Variants in KDM4C observed in about 807,000 individuals in gnomAD.
KDM4C encodes lysine demethylase 4C.
Under a neutral mutation model 129.3 loss-of-function variants are expected in KDM4C, and 81 were observed. The observed-to-expected ratio is 0.63, with a 90% CI of 0.52 to 0.75. The LOEUF is 0.75. Ranked by LOEUF, KDM4C falls within the 30% of genes least tolerant of loss-of-function variation. KDM4C has a pLI of 0.00. For synonymous variants in KDM4C, 573 were observed against 456.1 expected, an observed-to-expected ratio of 1.26 and a Z score of -3.26; for missense variants, 1,457 against 1,304.0, an observed-to-expected ratio of 1.12 and a Z score of -1.81.
intron 17 of KDM4C, among the ~76,000 whole-genome samples, chr9:7,062,895 T>C (rs1304141708): frequency 6.6e-6 from 1 of 152,156 alleles, no homozygotes; most frequent in Non-Finnish European, 1.5e-5. Flanking sequence ...CTTCTGAAAC[T>C]ATTAGAAATA....
At chr9:6,767,729 G>A (rs1007000464) in intron 1 of KDM4C, among the ~76,000 whole-genome samples, 10 of 152,192 alleles carry the variant, frequency 6.6e-5, no homozygotes, top group Non-Finnish European at 1.2e-4. Context: ...AAAGTGCTGG[G>A]ATTACAGGCG....
At chr9:7,158,457 T>G (rs888951563) in intron 19 of KDM4C, among the ~76,000 whole-genome samples, 1 of 152,216 alleles carries the variant, frequency 6.6e-6, no homozygotes, top group Non-Finnish European at 1.5e-5. Flanking sequence ...TTTAGATCTT[T>G]CCTGCTTTCT....
chr9:6,919,860 C>A (rs1218958626), intron 8 of KDM4C, among the ~76,000 whole-genome samples: 8 of 152,068 alleles, frequency 5.3e-5, no homozygotes, highest in African/African-American at 1.9e-4. Flanking sequence ...TAGGTGTGAG[C>A]CACTGCACCT....
intron 3 of KDM4C, among the ~76,000 whole-genome samples, chr9:6,813,199 A>G (rs1831482905): frequency 1.3e-5 from 2 of 151,790 alleles, no homozygotes; most frequent in Admixed American, 1.3e-4. Flanking sequence ...AAAAACATTA[A>G]AAAAAAAATT....
chr9:6,869,148 C>A (rs565932704), intron 5 of KDM4C, among the ~76,000 whole-genome samples: 2 of 152,238 alleles, frequency 1.3e-5, no homozygotes, highest in East Asian at 3.9e-4. Flanking sequence ...TTAGTTATTC[C>A]CTTCTTGTAA....
At chr9:6,745,106 C>G (rs533775133) in intron 1 of KDM4C, among the ~76,000 whole-genome samples, 101 of 152,216 alleles carry the variant, frequency 6.6e-4, no homozygotes, top group South Asian at 5.4e-3. Context: ...ACCCCATTTT[C>G]TGGGTCAAAC....
intron 19 of KDM4C, among the ~76,000 whole-genome samples, chr9:7,134,581 C>G (rs12341212): frequency 2.0e-5 from 3 of 152,122 alleles, no homozygotes; most frequent in African/African-American, 7.2e-5. Flanking sequence ...CATTAGTTAG[C>G]TTGAATTCTC....
chr9:6,803,402 C>T (rs1179330216), intron 2 of KDM4C, among the ~76,000 whole-genome samples: 1 of 151,740 alleles, frequency 6.6e-6, no homozygotes, highest in Non-Finnish European at 1.5e-5. Flanking sequence ...GAAAACTCGT[C>T]CTATTAAAAA....
At position 7,107,478 on chromosome 9, in the gene KDM4C, A is replaced by T. The variant is rs73409588; in HGVS notation, c.2610+3608A>T. ...TAACAGAGGTGAGAAAATGGCATGC[A>T]ATGTTTTTTCCTGGCAAGTTACTTA... is the stretch of plus-strand genomic sequence containing the variant. On this transcript the variant is annotated intron_variant, in intron 18 of 21. Coordinates refer to ENST00000381309, the MANE Select transcript of KDM4C (RefSeq NM_015061.6). Among the ~76,000 whole-genome samples the T allele has an allele frequency of 4.7e-4, 72 of 152,338 alleles. No individual in the cohort carries two copies. The South Asian group carries it at 5.8e-3, about 12-fold the overall frequency.
chr9:6,869,115 A>C (rs1842479118), intron 5 of KDM4C, among the ~76,000 whole-genome samples: 1 of 152,238 alleles, frequency 6.6e-6, no homozygotes, highest in South Asian at 2.1e-4. Flanking sequence ...CAGATTAAAA[A>C]GAACTGCCCA....
At chr9:7,134,730 C>T (rs182885809) in intron 19 of KDM4C, among the ~76,000 whole-genome samples, 1 of 152,298 alleles carries the variant, frequency 6.6e-6, no homozygotes, top group Admixed American at 6.5e-5. Flanking sequence ...AACAATATTA[C>T]CATATTGGCT....
chr9:6,950,611 C>G (rs1827962661), intron 8 of KDM4C, among the ~76,000 whole-genome samples: 1 of 152,208 alleles, frequency 6.6e-6, no homozygotes, highest in Admixed American at 6.5e-5. Context: ...GAGATTATCT[C>G]TGTATTCTGT....
At chr9:7,130,999 G>C (rs886573761) in intron 19 of KDM4C, among the ~76,000 whole-genome samples, 3 of 151,596 alleles carry the variant, frequency 2.0e-5, no homozygotes, top group African/African-American at 7.3e-5. Context: ...AAACTCTTGG[G>C]CTCAAGTGAT....
At position 6,926,664 on chromosome 9, in the gene KDM4C, A is replaced by G. The variant is rs1053349954; in HGVS notation, c.921+33432A>G. 2.6e-5 allele frequency among the ~76,000 whole-genome samples: 4 copies of G among 152,202 alleles called. No homozygotes were observed. In the South Asian group the frequency reaches 8.3e-4, roughly 32 times the overall value. On this transcript the variant is annotated intron_variant, in intron 8 of 21. Coordinates refer to ENST00000381309, the MANE Select transcript of KDM4C (RefSeq NM_015061.6). ...AGAACACATGGTGGGAAAACAAACA[A>G]ATGCCTCCAGGCACTGCTTATCACA...
At chr9:7,021,059 G>C (rs1467161694) in intron 15 of KDM4C, among the ~76,000 whole-genome samples, 1 of 151,602 alleles carries the variant, frequency 6.6e-6, no homozygotes, top group Admixed American at 6.6e-5. Context: ...ATTTTGTGAA[G>C]AGTGTCAATG....
intron 1 of KDM4C, among the ~76,000 whole-genome samples, chr9:6,743,692 G>C (rs1817779181): frequency 6.6e-6 from 1 of 151,982 alleles, no homozygotes; most frequent in Non-Finnish European, 1.5e-5. Context: ...TATTTTAGTA[G>C]AGACAGGGTT....
chr9:7,057,378 C>G (rs918014980), intron 17 of KDM4C, among the ~76,000 whole-genome samples: 1 of 152,244 alleles, frequency 6.6e-6, no homozygotes, highest in Non-Finnish European at 1.5e-5. Flanking sequence ...CTGCATTCAT[C>G]TATATCATGC....
At chr9:7,121,966 T>C (rs1839533120) in intron 18 of KDM4C, among the ~76,000 whole-genome samples, 1 of 152,176 alleles carries the variant, frequency 6.6e-6, no homozygotes, top group Admixed American at 6.5e-5. Flanking sequence ...ATTTTCTGGT[T>C]GGTTTTATTT....
chr9:6,807,345 C>A (rs910152273), intron 3 of KDM4C, among the ~76,000 whole-genome samples: 16 of 148,658 alleles, frequency 1.1e-4, no homozygotes, highest in African/African-American at 3.8e-4. Flanking sequence ...GGCCGCCCAT[C>A]GTCTGGGATG....
Sources: gnomAD v4.1 joint callset for allele counts (sites outside exome capture counted in the v4.1 genomes callset) on GRCh38, gnomAD v4.1.1 for gene constraint, MANE v1.5 for transcripts, NCBI Gene and HGNC (gene_info 2026-07-23, HGNC 2026-07-21) for gene names.